Variants in PAH observed in about 807,000 individuals in gnomAD.
PAH encodes phenylalanine hydroxylase.
A neutral mutation model predicts 62.0 loss-of-function variants in PAH; 64 were observed. The observed-to-expected ratio is 1.03, with a 90% CI of 0.84 to 1.27. The LOEUF is 1.27. PAH is among the 50% of genes most tolerant of loss of function. The pLI, the probability that PAH is intolerant of heterozygous loss-of-function variation, is 0.00. For synonymous variants in PAH, 195 were observed against 196.2 expected (o/e 0.99, Z 0.05); for missense variants, 579 against 542.8 (o/e 1.07, Z -0.66).
At position 102,866,224 on chromosome 12, in the gene PAH, G is replaced by A. The variant is rs548222479; in HGVS notation, c.509+372C>T. Among the ~76,000 whole-genome samples, 10 of 152,214 alleles carry A rather than the reference G, an allele frequency of 6.6e-5. No individual in the cohort carries two copies. In the South Asian group the frequency reaches 2.1e-3, roughly 32 times the overall value. On this transcript the variant is annotated intron_variant, in intron 5 of 12. Coordinates refer to ENST00000553106, the MANE Select transcript of PAH (RefSeq NM_000277.3). Reference sequence around the variant, plus strand: ...AGCCAGCTCCTTCTTGAATGTAAATGATTCTCTTTTTCCTTCTTCCCTGTT... The same window carrying A: ...AGCCAGCTCCTTCTTGAATGTAAATAATTCTCTTTTTCCTTCTTCCCTGTT...
chr12:102,869,901 A>G (rs948972956), intron 4 of PAH, among the ~76,000 whole-genome samples: 3 of 152,236 alleles, frequency 2.0e-5, no homozygotes, highest in Non-Finnish European at 4.4e-5. Context: ...GACTAATAGC[A>G]GCAATTTCAG....
chr12:102,929,916 G>T (rs1334247173), intron 1 of PAH, among the ~76,000 whole-genome samples: 1 of 152,128 alleles, frequency 6.6e-6, no homozygotes, highest in Non-Finnish European at 1.5e-5. Flanking sequence ...GGAACAAAGA[G>T]ATCTATTGAG....
chr12:102,902,450 G>A (rs1009141423), intron 2 of PAH, among the ~76,000 whole-genome samples: 25 of 152,192 alleles, frequency 1.6e-4, no homozygotes, highest in African/African-American at 6.0e-4. Flanking sequence ...TTTAAGACTA[G>A]ACTGTAGTGG....
upstream of PAH, among the ~76,000 whole-genome samples, chr12:102,955,807 G>GT (rs1879894334): frequency 6.6e-6 from 1 of 152,130 alleles, no homozygotes; most frequent in Admixed American, 6.5e-5. Context: ...ATCCCACGGG[G>GT]TTCAGCCAGT....
intron 4 of PAH, among the ~76,000 whole-genome samples, chr12:102,867,669 A>C (rs1466603078): frequency 6.6e-6 from 1 of 152,082 alleles, no homozygotes; most frequent in East Asian, 1.9e-4. Context: ...GGCAGTAGTG[A>C]ATTCAAAACA....
chr12:102,840,387 G>A lies in PAH; in HGVS notation c.1315+13C>T. The stretch of plus-strand genomic sequence containing the variant: ...GAGAAACCGAGTGGCCTCGTAAGGT[G>A]TAAATTACTTACTGTTAATGGAATC... On this transcript the variant is annotated intron_variant, in intron 12 of 12. Coordinates refer to ENST00000553106, the MANE Select transcript of PAH (RefSeq NM_000277.3). 2.0e-6 allele frequency: 3 copies of A among 1,536,206 alleles called. No homozygotes were observed. The highest frequency in any genetic ancestry group is 1.4e-5 in the African/African-American group (1 of 73,196).
upstream of PAH, among the ~76,000 whole-genome samples, chr12:102,919,596 C>T (rs980750512): frequency 6.6e-6 from 1 of 152,140 alleles, no homozygotes; most frequent in Non-Finnish European, 1.5e-5. Context: ...CTCCAGGCCC[C>T]TACTACCCTT....
At position 102,871,931 on chromosome 12, in the gene PAH, AAAAAAAAAAAAAAAAAAAATATATATAT is replaced by A. The variant is rs1276547312; in HGVS notation, c.442-5296_442-5269del. On this transcript the variant is annotated intron_variant, in intron 4 of 12. Coordinates refer to ENST00000553106, the MANE Select transcript of PAH (RefSeq NM_000277.3). ...GAGCAAAACTCTGCCTCAAAAAAAA[AAAAAAAAAAAAAAAAAAAATATATATAT>A]ATATATATATATATATATATATATA... Among the ~76,000 whole-genome samples the A allele has an allele frequency of 3.4e-3, 382 of 114,004 alleles. 1 individual carries two copies. The highest frequency in any genetic ancestry group is 0.017 in the East Asian group (73 of 4,394). The allele number at this position is 114,004 out of a possible 152,430, so 74.8% of individuals were successfully genotyped here. A position where few individuals can be genotyped will look rare whatever the true frequency, so the allele number is the denominator to read the frequency against.
intron 5 of PAH, among the ~76,000 whole-genome samples, chr12:102,856,655 C>G (rs991065215): frequency 6.6e-6 from 1 of 152,218 alleles, no homozygotes; most frequent in African/African-American, 2.4e-5. Flanking sequence ...AATGATCAGG[C>G]AGCAACATTT....
At chr12:102,897,484 T>C (rs868249432) in intron 2 of PAH, among the ~76,000 whole-genome samples, 1 of 131,798 alleles carries the variant, frequency 7.6e-6, no homozygotes, top group African/African-American at 3.8e-5. Flanking sequence ...TATATATATA[T>C]ATATATATAA....
intron 10 of PAH, among the ~76,000 whole-genome samples, chr12:102,844,067 A>G (rs557904744): frequency 1.3e-5 from 2 of 152,184 alleles, no homozygotes; most frequent in South Asian, 2.1e-4. Context: ...ATGTGTTTGC[A>G]TACTCACAAG....
chr12:102,867,834 T>TCC (rs1555205745), intron 4 of PAH, among the ~76,000 whole-genome samples: 2 of 131,466 alleles, frequency 1.5e-5, no homozygotes, highest in Non-Finnish European at 3.2e-5. Flanking sequence ...TCTCTCTCTC[T>TCC]CCCCCTCTCT....
In PAH at chr12:102,917,222, C is replaced by T; in HGVS notation, c.-92G>A. On this transcript the variant is annotated 5_prime_UTR_variant, in exon 1 of 13. Coordinates refer to ENST00000553106, the MANE Select transcript of PAH (RefSeq NM_000277.3). Reference sequence around the variant, plus strand: ...CACGTGGGGCTGAAGGTTTTAACCTCGCACTAGGGAGGAGAAGAGAGTTAC... The same window carrying T: ...CACGTGGGGCTGAAGGTTTTAACCTTGCACTAGGGAGGAGAAGAGAGTTAC... 9.5e-7 allele frequency: 1 copy of T among 1,057,078 alleles called. No homozygotes were observed. Among genetic ancestry groups the T allele is most frequent in the South Asian group, 1.3e-5 (1 of 78,034 alleles). 65.5% of individuals were successfully genotyped at this position (1,057,078 alleles called of 1,614,324 possible). A position where few individuals can be genotyped will look rare whatever the true frequency, so the allele number is the denominator to read the frequency against.
intron 2 of PAH, 70 bp downstream of exon 2, chr12:102,912,721 C>T (rs1011057049): frequency 1.9e-6 from 2 of 1,075,170 alleles, no homozygotes; most frequent in African/African-American, 3.1e-5. Flanking sequence ...CTTTTCATTG[C>T]ATCTAACTAG....
chr12:102,928,733 C>A (rs1333350859), intron 1 of PAH, among the ~76,000 whole-genome samples: 3 of 152,218 alleles, frequency 2.0e-5, no homozygotes, highest in East Asian at 3.9e-4. Context: ...GATATAAATT[C>A]TTTTGCTAAT....
intron 11 of PAH, among the ~76,000 whole-genome samples, chr12:102,842,553 C>G (rs1241698387): frequency 6.6e-6 from 1 of 152,016 alleles, no homozygotes; most frequent in African/African-American, 2.4e-5. Flanking sequence ...TCTTACCTTG[C>G]AAATGTAAGG....
At chr12:102,884,694 A>C (rs554541066) in intron 3 of PAH, among the ~76,000 whole-genome samples, 11 of 152,240 alleles carry the variant, frequency 7.2e-5, no homozygotes, top group Admixed American at 5.9e-4. Context: ...TCTGACTAAG[A>C]TAGTGGTCCC....
intron 3 of PAH, among the ~76,000 whole-genome samples, chr12:102,885,154 G>C (rs1876979440): frequency 6.6e-6 from 1 of 152,170 alleles, no homozygotes; most frequent in African/African-American, 2.4e-5. Context: ...GGTGCTTGAA[G>C]AAGATCCCTA....
chr12:102,882,673 TATAA>T (rs1267630169), intron 3 of PAH, among the ~76,000 whole-genome samples: 11,659 of 47,558 alleles, frequency 0.25, 674 homozygotes, highest in African/African-American at 0.34. Flanking sequence ...TATATATATA[TATAA>T]AATTTTTTTC....
Sources: gnomAD v4.1 joint callset for allele counts (sites outside exome capture counted in the v4.1 genomes callset) on GRCh38, gnomAD v4.1.1 for gene constraint, MANE v1.5 for transcripts, NCBI Gene and HGNC (gene_info 2026-07-23, HGNC 2026-07-21) for gene names.